Variants in MYO9B observed in about 807,000 individuals in gnomAD.
The protein encoded by MYO9B is myosin IXB, also known as unconventional myosin-IXb.
MYO9B carries 71 observed loss-of-function variants against 229.5 expected under a neutral mutation model. The observed-to-expected ratio is 0.31, with a 90% CI of 0.26 to 0.38. MYO9B has a LOEUF of 0.38. MYO9B is among the 10% of genes least tolerant of loss of function. The pLI, the probability that MYO9B is intolerant of heterozygous loss-of-function variation, is 1.00. For missense variants in MYO9B, 2,255 were observed against 2,920.5 expected (o/e 0.77, Z 5.25); for synonymous variants, 1,185 against 1,235.8 (o/e 0.96, Z 0.86).
At chr19:17,187,543 CT>C (rs60447425) in intron 18 of MYO9B, among the ~76,000 whole-genome samples, 78,951 of 147,310 alleles carry the variant, frequency 0.54, 22,572 homozygotes, top group East Asian at 0.74. Context: ...CATTTGGGTT[CT>C]TTTTTTTTTT....
At chr19:17,134,372 G>GTTTTT (rs2072240732) in intron 2 of MYO9B, among the ~76,000 whole-genome samples, 1 of 70,426 alleles carries the variant, frequency 1.4e-5, no homozygotes, top group African/African-American at 5.4e-5. Context: ...TTTTTTTTTC[G>GTTTTT]TTTTGTTTGT....
At chr19:17,194,259 A>G (rs2073016599) in intron 21 of MYO9B, among the ~76,000 whole-genome samples, 1 of 152,200 alleles carries the variant, frequency 6.6e-6, no homozygotes, top group Non-Finnish European at 1.5e-5. Flanking sequence ...TGGACCCCAA[A>G]GGAGTTTGAG....
rs549847175 is a variant in MYO9B at position 17,200,478 on chromosome 19, G to A, written c.4372+52G>A. On this transcript the variant is annotated intron_variant, in intron 25 of 39. Coordinates refer to ENST00000682292, the MANE Select transcript of MYO9B (RefSeq NM_004145.4). ...GACAGTAGAGCCACCAGTGCCCCTG[G>A]GGACATTCACTGTCCCCAAACGGGG... is the stretch of plus-strand genomic sequence containing the variant. The A allele has an allele frequency of 4.6e-6, 7 of 1,536,214 alleles. No individual in the cohort carries two copies. In the East Asian group the frequency reaches 1.7e-4, roughly 38 times the overall value.
intron 21 of MYO9B, 22 bp from the exon 22 acceptor site, chr19:17,194,534 G>C (rs779330482): frequency 6.2e-7 from 1 of 1,608,968 alleles, no homozygotes; most frequent in East Asian, 2.2e-5. Context: ...TGAACCAGCT[G>C]TCTGCTTTTT....
chr19:17,096,482 C>G (rs978612717), intron 1 of MYO9B, among the ~76,000 whole-genome samples: 1 of 151,194 alleles, frequency 6.6e-6, no homozygotes, highest in Non-Finnish European at 1.5e-5. Context: ...AAAACCCCCT[C>G]TCTGCAAAAA....
intron 2 of MYO9B, among the ~76,000 whole-genome samples, chr19:17,120,638 C>CA (rs59262657): frequency 1.3e-3 from 113 of 86,864 alleles, no homozygotes; most frequent in African/African-American, 3.2e-3. Context: ...GACTCTGTCT[C>CA]AAAAAAAAAA....
intron 9 of MYO9B, 146 bp downstream of exon 9, chr19:17,162,612 CAG>C: frequency 1.4e-6 from 1 of 728,016 alleles, no homozygotes; most frequent in South Asian, 1.7e-5. Context: ...GCCCAGGAAA[CAG>C]GACAGGCTAC....
chr19:17,119,051 G>A (rs1464082819), intron 2 of MYO9B, among the ~76,000 whole-genome samples: 2 of 152,252 alleles, frequency 1.3e-5, no homozygotes, highest in South Asian at 2.1e-4. Context: ...CAGAGGAATG[G>A]CCAGGAAGCA....
chr19:17,116,001 G>A (rs372123754), intron 2 of MYO9B, among the ~76,000 whole-genome samples: 6 of 135,526 alleles, frequency 4.4e-5, no homozygotes, highest in South Asian at 5.0e-4. Flanking sequence ...AGGGTTCGGC[G>A]GAGCTAACTC....
rs1196604135 is a variant in MYO9B, at chr19:17,210,765, G to T, written c.5847G>T (p.Leu1949=). The T allele has an allele frequency of 7.0e-6, 11 of 1,573,136 alleles. No individual in the cohort carries two copies. Among genetic ancestry groups the T allele is most frequent in the Non-Finnish European group, 9.5e-6 (11 of 1,159,868 alleles). ...TCCAGGAGGAGGAGCTGGAGGTGCT[G>T]CTGGAGGAGGAGGCAGCCGGCGGCG... The part of the protein sequence containing the change: ...RDIQEEELEV[L]LEEEAAGGDE... Residue 1949 remains leucine (L), a synonymous_variant, in exon 38 of 40, where the codon CTG becomes CTT. Transcript: ENST00000682292.
chr19:17,100,012 C>G (rs1268031202), intron 1 of MYO9B, among the ~76,000 whole-genome samples: 1 of 149,792 alleles, frequency 6.7e-6, no homozygotes, highest in African/African-American at 2.5e-5. Context: ...ATCCCAGCTA[C>G]TTGGGAGGCT....
intron 16 of MYO9B, among the ~76,000 whole-genome samples, chr19:17,184,232 C>T (rs1000532014): frequency 1.3e-5 from 2 of 152,202 alleles, no homozygotes; most frequent in African/African-American, 4.8e-5. Context: ...GCTCATCCTG[C>T]CCCAACGTAA....
At chr19:17,114,358 G>C (rs1468216659) in intron 2 of MYO9B, among the ~76,000 whole-genome samples, 1 of 152,102 alleles carries the variant, frequency 6.6e-6, no homozygotes, top group African/African-American at 2.4e-5. Context: ...GTCCCTTGGG[G>C]GAGGTGACTG....
Position 17,195,180 on chromosome 19 carries a change from G to C in MYO9B, c.3753G>C (p.Pro1251=). 1 of 1,611,414 alleles carries C rather than the reference G, an allele frequency of 6.2e-7. No homozygotes were observed. Among genetic ancestry groups the C allele is most frequent in the South Asian group, 1.1e-5 (1 of 90,986 alleles). Residue 1251 remains proline, a synonymous_variant, in exon 22 of 40, where the codon CCG becomes CCC. Transcript: ENST00000682292. The surrounding 1 kb of genome is among the most constrained non-coding windows in gnomAD (Gnocchi z 4.5). ...CCAGGCCTGGCCAGTTGGAGCGGCC[G>C]ACCAGCCTGGCCCTGGACAGCAGGG... The part of the protein sequence containing the change: ...GSPRPGQLER[P]TSLALDSRVS...
chr19:17,082,954 G>A (rs1008591294), intron 1 of MYO9B, among the ~76,000 whole-genome samples: 7 of 151,736 alleles, frequency 4.6e-5, no homozygotes, highest in South Asian at 2.1e-4. Flanking sequence ...CCAAGTGAGC[G>A]TGGGGTTGGA....
At chr19:17,162,803 A>G (rs1415452747) in intron 9 of MYO9B, among the ~76,000 whole-genome samples, 185 bp from the exon 10 acceptor site, 2 of 152,168 alleles carry the variant, frequency 1.3e-5, no homozygotes, top group African/African-American at 4.8e-5. Context: ...AACCTGGGCA[A>G]CAGAGCAAGA....
chr19:17,145,624 G>C, intron 3 of MYO9B, 133 bp downstream of exon 3: 2 of 803,186 alleles, frequency 2.5e-6, no homozygotes, highest in Non-Finnish European at 4.1e-6. Flanking sequence ...GAGCGAGTGT[G>C]ATTTTTAGGT....
intron 37 of MYO9B, 25 bp downstream of exon 37, chr19:17,210,405 C>A: frequency 6.4e-7 from 1 of 1,570,188 alleles, no homozygotes; most frequent in African/African-American, 1.4e-5. Context: ...GGTGGGCCCG[C>A]GGTGCATGTC....
chr19:17,094,961 A>C (rs577238576), intron 1 of MYO9B, among the ~76,000 whole-genome samples: 100 of 150,842 alleles, frequency 6.6e-4, no homozygotes, highest in African/African-American at 2.3e-3. Flanking sequence ...AAATTTGGCC[A>C]GGCGCAGTGG....
Sources: gnomAD v4.1 joint callset for allele counts (sites outside exome capture counted in the v4.1 genomes callset) on GRCh38, gnomAD v4.1.1 for gene constraint, Gnocchi (gnomAD v3.1) non-coding constraint, MANE v1.5 for transcripts, NCBI Gene and HGNC (gene_info 2026-07-23, HGNC 2026-07-21) for gene names.